Variants in ZNF514 observed in about 807,000 individuals in gnomAD.
The protein encoded by ZNF514 is zinc finger protein 514.
A neutral mutation model predicts 9.7 loss-of-function variants in ZNF514; 12 were observed. That is an observed-to-expected ratio of 1.24 (90% CI 0.79 to 2.01). The LOEUF (loss-of-function observed/expected upper bound fraction) is 2.01. Ranked by LOEUF, ZNF514 falls within the 30% of genes most tolerant of loss-of-function variation. The pLI, the probability that ZNF514 is intolerant of heterozygous loss-of-function variation, is 0.00. For missense variants in ZNF514, 467 were observed against 465.5 expected, an observed-to-expected ratio of 1.00 and a Z score of -0.03; for synonymous variants, 158 against 163.7, an observed-to-expected ratio of 0.97 and a Z score of 0.27.
the ZNF514 span, among the ~76,000 whole-genome samples, chr2:95,127,283 T>C: frequency 2.6e-5 from 4 of 152,204 alleles, no homozygotes; most frequent in African/African-American, 9.6e-5. Context: ...TGAGGAGACA[T>C]GACTCCCTCT....
chr2:95,157,256 T>G, intron 2 of ZNF514, 95 bp downstream of exon 2: 1 of 747,976 alleles, frequency 1.3e-6, no homozygotes, highest in South Asian at 1.5e-5. Context: ...ATTGGGTCAG[T>G]TCCCTTAGTG....
chr2:95,136,654 G>A, the ZNF514 span, among the ~76,000 whole-genome samples: 7 of 150,074 alleles, frequency 4.7e-5, 1 homozygote, highest in Admixed American at 1.3e-4. Flanking sequence ...ACTCACAATT[G>A]TCTTACCTAA....
downstream of ZNF514, among the ~76,000 whole-genome samples, chr2:95,140,819 AC>A (rs1241924080): frequency 6.6e-6 from 1 of 151,900 alleles, no homozygotes; most frequent in East Asian, 1.9e-4. Flanking sequence ...TACTAAAAAT[AC>A]AAAAATTAGC....
Position 95,157,277 on chromosome 2 carries a change from C to T in ZNF514, c.-7+74G>A, listed in dbSNP as rs1024839764. 4.0e-6 allele frequency: 4 copies of T among 1,003,910 alleles called. No homozygotes were observed. In the African/African-American group the frequency reaches 5.0e-5, roughly 13 times the overall value. The allele number at this position is 1,003,910 out of a possible 1,614,324, so 62.2% of individuals were successfully genotyped here. On this transcript the variant is annotated intron_variant, in intron 2 of 4. Transcript: ENST00000295208. ...TCAGTTCCCTTAGTGAAAAAAGAGG[C>T]TACTTTTTGGTGAAAAGTAGGCAAA...
chr2:95,157,455 G>T lies in ZNF514; in HGVS notation c.-95-16C>A, dbSNP rs748335117. On this transcript the variant is annotated splice_polypyrimidine_tract_variant and intron_variant, in intron 1 of 4. Coordinates refer to ENST00000295208, the MANE Select transcript of ZNF514 (RefSeq NM_032788.3). ...GAAGGGGAAGCTGGGAAGGTAGAAG[G>T]AGACATAAGGGAAGCTGACCCAGCC... The T allele has an allele frequency of 8.6e-6, 11 of 1,284,958 alleles. No individual in the cohort carries two copies. The highest frequency in any genetic ancestry group is 1.1e-5 in the Non-Finnish European group (11 of 984,600). The allele number at this position is 1,284,958 out of a possible 1,614,324, so 79.6% of individuals were successfully genotyped here.
chr2:95,149,556 T>C lies in ZNF514; in HGVS notation c.929A>G (p.His310Arg). The C allele has an allele frequency of 6.2e-7, 1 of 1,614,126 alleles. No individual in the cohort carries two copies. The highest frequency in any genetic ancestry group is 1.6e-4 in the Middle Eastern group (1 of 6,062). ...GCATTCATAGGGCTTTTCTCCAGTA[T>C]GAGTCCTCTGATGCTTAATAAGGGA... Reference protein sequence around the residue: ...TSSLIKHQRTHTGEKPYECRE... With the variant: ...TSSLIKHQRTRTGEKPYECRE... Residue 310 changes from histidine (H) to arginine (R), a missense_variant, in exon 5 of 5, where the codon CAT becomes CGT. His to Arg is a conservative substitution (Grantham distance 29). Coordinates refer to ENST00000295208, the MANE Select transcript of ZNF514 (RefSeq NM_032788.3).
the ZNF514 span, among the ~76,000 whole-genome samples, chr2:95,127,689 C>G: frequency 6.6e-6 from 1 of 152,156 alleles, no homozygotes; most frequent in South Asian, 2.1e-4. Context: ...ATGATCGCAG[C>G]TCACTGCAGC....
At chr2:95,150,412 G>T in intron 4 of ZNF514, 145 bp from the exon 5 acceptor site, 1 of 894,076 alleles carries the variant, frequency 1.1e-6, no homozygotes, top group Non-Finnish European at 1.6e-6. Context: ...TTTCAATAAT[G>T]GCTTATGTCT....
chr2:95,159,732 C>A lies in ZNF514; in HGVS notation c.-588G>T, dbSNP rs1208646328. On this transcript the variant is annotated 5_prime_UTR_variant, in exon 1 of 5. Coordinates refer to ENST00000295208, the MANE Select transcript of ZNF514 (RefSeq NM_032788.3). ...CCCGCGTCCGCCCCGCGCCAGCCCC[C>A]GCGTCCGCCCCGCGCCAGCCCCGCC... 3 of 122,822 alleles carry A rather than the reference C, an allele frequency of 2.4e-5. No homozygotes were observed. The allele number at this position is 122,822 out of a possible 1,614,324, so 7.6% of individuals were successfully genotyped here.
rs561316400 is a variant in ZNF514, at chr2:95,152,647, A to G, written c.217+27T>C. The G allele has an allele frequency of 2.8e-5, 45 of 1,600,206 alleles. No homozygotes were observed. The South Asian group carries it at 4.6e-4, about 16-fold the overall frequency. On this transcript the variant is annotated intron_variant, in intron 4 of 4. Coordinates refer to ENST00000295208, the MANE Select transcript of ZNF514 (RefSeq NM_032788.3). ...TCCCACCCCAGCTGGGCCTTATCATATGCAATGCTTTCACTCACTCACTCA... is the reference window on the plus strand; with the variant it reads ...TCCCACCCCAGCTGGGCCTTATCATGTGCAATGCTTTCACTCACTCACTCA...
At chr2:95,143,309 AG>A (rs1451544632), downstream of ZNF514, among the ~76,000 whole-genome samples, 2 of 152,124 alleles carry the variant, frequency 1.3e-5, no homozygotes, top group Admixed American at 6.6e-5. Flanking sequence ...GATTTGTTTG[AG>A]GGTGTGTGCT....
chr2:95,142,038 T>C (rs1251137001), downstream of ZNF514, among the ~76,000 whole-genome samples: 3 of 152,214 alleles, frequency 2.0e-5, no homozygotes, highest in African/African-American at 4.8e-5. Flanking sequence ...TCATTTTCTA[T>C]AGACCCCTGG....
chr2:95,143,699 TG>T (rs754048348), downstream of ZNF514, among the ~76,000 whole-genome samples: 3 of 152,166 alleles, frequency 2.0e-5, no homozygotes, highest in Non-Finnish European at 2.9e-5. Context: ...TCTAGATCAT[TG>T]GAATTTCCTG....
Position 95,149,289 on chromosome 2 carries a change from G to A in ZNF514, c.1196C>T (p.Thr399Ile). 7.0e-6 allele frequency: 11 copies of A among 1,570,366 alleles called. No individual in the cohort carries two copies. The South Asian group carries it at 1.1e-4, about 15-fold the overall frequency. The change falls in exon 5 of 5, where the codon ACC becomes ATC. Residue 399 changes from threonine (T) to isoleucine (I), a missense_variant. Coordinates refer to ENST00000295208, the MANE Select transcript of ZNF514 (RefSeq NM_032788.3). ...CTTCTATATTCACTGAATTTATAGG[G>A]TTTTTTTTCCAGCATGACTTCTCTG... is the stretch of plus-strand genomic sequence containing the variant. ...KHQRSHAGKK[T>I]L is the part of the protein sequence containing the mutation.
chr2:95,138,118 T>G, the ZNF514 span, among the ~76,000 whole-genome samples: 1 of 152,248 alleles, frequency 6.6e-6, no homozygotes, highest in Non-Finnish European at 1.5e-5. Context: ...TATGAACCAG[T>G]TGAACCTCTT....
chr2:95,143,157 T>A (rs1288860775), downstream of ZNF514, among the ~76,000 whole-genome samples: 1 of 152,200 alleles, frequency 6.6e-6, no homozygotes, highest in Non-Finnish European at 1.5e-5. Flanking sequence ...AACTGAACAA[T>A]CTCCAAGTGG....
At chr2:95,137,246 AG>A in the ZNF514 span, among the ~76,000 whole-genome samples, 1 of 152,182 alleles carries the variant, frequency 6.6e-6, no homozygotes, top group Non-Finnish European at 1.5e-5. Flanking sequence ...CCATCTCTGG[AG>A]GAATTCCAAG....
chr2:95,128,566 A>C, the ZNF514 span, among the ~76,000 whole-genome samples: 1 of 152,052 alleles, frequency 6.6e-6, no homozygotes, highest in African/African-American at 2.4e-5. Context: ...AAGAAAAAGA[A>C]GAAAGAAGAA....
At chr2:95,158,987 T>C in intron 1 of ZNF514, 3 of 1,285,280 alleles carry the variant, frequency 2.3e-6, no homozygotes, top group Non-Finnish European at 3.0e-6. Context: ...AGTCCATAGC[T>C]GGGGCTAAGG....
Sources: gnomAD v4.1 joint callset for allele counts (sites outside exome capture counted in the v4.1 genomes callset) on GRCh38, gnomAD v4.1.1 for gene constraint, MANE v1.5 for transcripts, NCBI Gene and HGNC (gene_info 2026-07-23, HGNC 2026-07-21) for gene names.